The following FBXO36 variants were observed in gnomAD, a reference collection of about 807,000 sequenced individuals.
FBXO36 encodes the protein F-box only protein 36.
In FBXO36, 18 loss-of-function variants were observed where a neutral mutation model predicts 17.0. The observed-to-expected ratio is 1.06, with a 90% CI of 0.73 to 1.57. The LOEUF is 1.57. Among genes scored for constraint, FBXO36 ranks in the 40% most tolerant of loss-of-function variants. The probability of loss-of-function intolerance (pLI) is 0.00; values close to 1 mark genes in which losing one functional copy is unlikely to be tolerated. For missense variants in FBXO36, 229 were observed against 221.9 expected, an observed-to-expected ratio of 1.03 and a Z score of -0.20; for synonymous variants, 83 against 85.3, an observed-to-expected ratio of 0.97 and a Z score of 0.15.
chr2:229,973,080 A>G (rs1451292282), intron 1 of FBXO36, among the ~76,000 whole-genome samples: 1 of 145,378 alleles, frequency 6.9e-6, no homozygotes, highest in Non-Finnish European at 1.5e-5. Context: ...AAAGAAAAAG[A>G]TATTGTGTAC....
At chr2:229,986,720 A>G (rs1265711729) in intron 2 of FBXO36, among the ~76,000 whole-genome samples, 1 of 151,142 alleles carries the variant, frequency 6.6e-6, no homozygotes, top group African/African-American at 2.4e-5. Context: ...TTTTTAGTAG[A>G]GACGAGGTTT....
At chr2:229,962,529 T>TTTTATTTTAC (rs2077128348) in intron 1 of FBXO36, among the ~76,000 whole-genome samples, 1 of 149,778 alleles carries the variant, frequency 6.7e-6, no homozygotes, top group African/African-American at 2.5e-5. Flanking sequence ...TTTTATTTTA[T>TTTTATTTTAC]TTTATTTTAT....
intron 1 of FBXO36, among the ~76,000 whole-genome samples, chr2:229,972,968 A>G (rs1467517798): frequency 4.6e-5 from 7 of 151,870 alleles, no homozygotes; most frequent in Non-Finnish European, 7.4e-5. Context: ...AGGTTGAGGT[A>G]GTAGAACAGC....
chr2:230,000,355 CAAAA>C (rs3086348), intron 3 of FBXO36, among the ~76,000 whole-genome samples: 1 of 77,456 alleles, frequency 1.3e-5, no homozygotes, highest in African/African-American at 5.0e-5. Flanking sequence ...GAGACTGTCT[CAAAA>C]AAAAAAAAAA....
intron 1 of FBXO36, among the ~76,000 whole-genome samples, chr2:229,960,335 C>G (rs1291431194): frequency 6.6e-6 from 1 of 151,992 alleles, no homozygotes; most frequent in Non-Finnish European, 1.5e-5. Flanking sequence ...GCCCACGGCA[C>G]CACACCTGGG....
intron 2 of FBXO36, among the ~76,000 whole-genome samples, chr2:229,987,480 T>C (rs2077275267): frequency 6.6e-6 from 1 of 152,114 alleles, no homozygotes; most frequent in Admixed American, 6.6e-5. Flanking sequence ...AACTAACTTT[T>C]AGCTCTGTTG....
At chr2:229,974,195 G>A (rs1479838487) in intron 1 of FBXO36, among the ~76,000 whole-genome samples, 2 of 152,172 alleles carry the variant, frequency 1.3e-5, no homozygotes, top group African/African-American at 2.4e-5. Context: ...ATGGGTTGTA[G>A]TGTGAAGGTT....
At chr2:229,940,969 G>A (rs1258661891) in intron 1 of FBXO36, among the ~76,000 whole-genome samples, 1 of 152,100 alleles carries the variant, frequency 6.6e-6, no homozygotes, top group Non-Finnish European at 1.5e-5. Context: ...AGTTGCCTGG[G>A]TGTGTTGCTC....
At chr2:229,932,392 T>C (rs1480473047) in intron 1 of FBXO36, among the ~76,000 whole-genome samples, 1 of 151,976 alleles carries the variant, frequency 6.6e-6, no homozygotes, top group African/African-American at 2.4e-5. Context: ...TAGTGGTGGG[T>C]GCCTGTAATC....
intron 2 of FBXO36, among the ~76,000 whole-genome samples, chr2:229,978,364 C>T (rs1179555033): frequency 6.6e-6 from 1 of 151,624 alleles, no homozygotes; most frequent in Non-Finnish European, 1.5e-5. Flanking sequence ...GGGCAGATCA[C>T]CTGAGGTTAG....
At position 229,965,904 on chromosome 2, in the gene FBXO36, T is replaced by C. The variant is rs189156658; in HGVS notation, c.97-10337T>C. ...TTTGGGTATATACCCAGTAATGGGA[T>C]GGCTGGGTCAAATGGTATTTCTAGT... On this transcript the variant is annotated intron_variant, in intron 1 of 3. Transcript: ENST00000283946. Among the ~76,000 whole-genome samples, 1,153 of 152,284 alleles carry C rather than the reference T, an allele frequency of 7.6e-3. 17 individuals carry two copies. The highest frequency in any genetic ancestry group is 0.025 in the African/African-American group (1,047 of 41,570).
At chr2:229,998,483 G>A (rs1396806004) in intron 3 of FBXO36, among the ~76,000 whole-genome samples, 6 of 152,252 alleles carry the variant, frequency 3.9e-5, no homozygotes, top group East Asian at 1.9e-4. Context: ...TTAGCCAAGC[G>A]TGGTAGCACA....
At chr2:229,975,495 G>T (rs1191484949) in intron 1 of FBXO36, among the ~76,000 whole-genome samples, 1 of 149,694 alleles carries the variant, frequency 6.7e-6, no homozygotes. Context: ...TTGAGACAGG[G>T]TCTCACTCTG....
intron 2 of FBXO36, among the ~76,000 whole-genome samples, chr2:229,991,095 C>G (rs1035320898): frequency 6.6e-5 from 10 of 152,006 alleles, no homozygotes; most frequent in Non-Finnish European, 1.5e-4. Flanking sequence ...ACCACCATGC[C>G]TAGCTAATTT....
chr2:229,985,022 A>G (rs2077261195), intron 2 of FBXO36, among the ~76,000 whole-genome samples: 1 of 152,188 alleles, frequency 6.6e-6, no homozygotes, highest in Non-Finnish European at 1.5e-5. Context: ...ATCTTGCAGA[A>G]TTCAGGGTTA....
intron 1 of FBXO36, among the ~76,000 whole-genome samples, chr2:229,957,450 G>A (rs1421328923): frequency 3.9e-5 from 6 of 152,096 alleles, no homozygotes; most frequent in African/African-American, 9.7e-5. Flanking sequence ...GGTGGCGGGC[G>A]CCTGTAATCC....
chr2:229,948,992 C>A lies in FBXO36; in HGVS notation c.96+26383C>A, dbSNP rs547589800. Among the ~76,000 whole-genome samples the A allele has an allele frequency of 2.4e-4, 37 of 152,304 alleles. No individual in the cohort carries two copies. In the East Asian group the frequency reaches 5.6e-3, roughly 23 times the overall value. On this transcript the variant is annotated intron_variant, in intron 1 of 3. Transcript: ENST00000283946. ...GGGACTACAGGCGCCGGCCACCACA[C>A]CCGGCTAATTTTTGTATTTTTTAGT... is the stretch of plus-strand genomic sequence containing the variant.
At chr2:229,988,828 GTT>G (rs11321192) in intron 2 of FBXO36, among the ~76,000 whole-genome samples, 31,529 of 128,862 alleles carry the variant, frequency 0.24, 3,484 homozygotes, top group East Asian at 0.44. Flanking sequence ...ATGCTGGCCT[GTT>G]TTTTTTTTTT....
chr2:229,938,709 C>T (rs947140831), intron 1 of FBXO36, among the ~76,000 whole-genome samples: 1 of 149,586 alleles, frequency 6.7e-6, no homozygotes, highest in Non-Finnish European at 1.5e-5. Flanking sequence ...ATGGCTCAAG[C>T]CACCGCGCCC....
Sources: gnomAD v4.1 joint callset for allele counts (sites outside exome capture counted in the v4.1 genomes callset) on GRCh38, gnomAD v4.1.1 for gene constraint, MANE v1.5 for transcripts, NCBI Gene and HGNC (gene_info 2026-07-23, HGNC 2026-07-21) for gene names.